The following ZBTB40 variants were observed in gnomAD, a reference collection of about 807,000 sequenced individuals.
The protein encoded by ZBTB40 is zinc finger and BTB domain-containing protein 40.
In ZBTB40, 60 loss-of-function variants were observed where a neutral mutation model predicts 117.5. That is an observed-to-expected ratio of 0.51 (90% CI 0.41 to 0.63). ZBTB40 has a LOEUF of 0.63. ZBTB40 is among the 30% of genes least tolerant of loss of function. ZBTB40 has a pLI of 0.00. For missense variants in ZBTB40, 1,287 were observed against 1,498.5 expected (o/e 0.86, Z 2.33); for synonymous variants, 525 against 577.1 (o/e 0.91, Z 1.29).
At chr1:22,521,698 T>G in intron 15 of ZBTB40, 40 bp downstream of exon 15, 1 of 1,613,870 alleles carries the variant, frequency 6.2e-7, no homozygotes, top group South Asian at 1.1e-5. Context: ...GGGAGGGGCT[T>G]GATGGTGTAG....
At chr1:22,487,238 A>C (rs1423029491) in intron 1 of ZBTB40, among the ~76,000 whole-genome samples, 3 of 152,190 alleles carry the variant, frequency 2.0e-5, no homozygotes, top group South Asian at 2.1e-4. Context: ...GAACTCTGAA[A>C]TATTTTTATT....
Position 22,528,520 on chromosome 1 carries a change from A to T in ZBTB40, c.*2124A>T, listed in dbSNP as rs1288016172. 6.6e-6 allele frequency: 1 copy of T among 152,228 alleles called. No individual in the cohort carries two copies. The highest frequency in any genetic ancestry group is 1.5e-5 in the Non-Finnish European group (1 of 68,024). The allele number at this position is 152,228 out of a possible 1,614,324, so 9.4% of individuals were successfully genotyped here. A position where few individuals can be genotyped will look rare whatever the true frequency, so the allele number is the denominator to read the frequency against. On this transcript the variant is annotated 3_prime_UTR_variant, in exon 18 of 18. Coordinates refer to ENST00000375647, the MANE Select transcript of ZBTB40 (RefSeq NM_014870.4). ...GTGTCAGATCCTTTCAAGCACTGAG[A>T]AATTCTTTCTCAGGTTTCTTTTTTT...
chr1:22,429,207 C>T (rs976751593), intron 1 of ZBTB40, among the ~76,000 whole-genome samples: 86 of 151,956 alleles, frequency 5.7e-4, no homozygotes, highest in Non-Finnish European at 1.1e-3. Context: ...ACGGTGAAAC[C>T]CCGTCTCCAC....
rs769444296 is a variant in ZBTB40 at position 22,502,339 on chromosome 1, A to G, written c.1065A>G (p.Leu355=). The G allele has an allele frequency of 3.1e-6, 5 of 1,613,896 alleles. No individual in the cohort carries two copies. Among genetic ancestry groups the G allele is most frequent in the Non-Finnish European group, 4.2e-6 (5 of 1,179,946 alleles). ...GAAAGACCTTGTCTGTTCTGTTACT[A>G]GAACACAAAGAGGACCTGATACAGT... ...EEGKTLSVLL[L]EHKEDLIQCV... Residue 355 remains leucine, a synonymous_variant, in exon 5 of 18, where the codon CTA becomes CTG. Transcript: ENST00000375647.
At chr1:22,499,145 G>C (rs922856740) in intron 3 of ZBTB40, among the ~76,000 whole-genome samples, 4 of 152,218 alleles carry the variant, frequency 2.6e-5, no homozygotes, top group African/African-American at 9.6e-5. Flanking sequence ...CCACTCTCAT[G>C]GCTATTGGCA....
At chr1:22,468,289 C>T (rs946649373) in intron 1 of ZBTB40, among the ~76,000 whole-genome samples, 22 of 151,986 alleles carry the variant, frequency 1.4e-4, no homozygotes, top group African/African-American at 4.8e-5. Context: ...TCCGAGTCCA[C>T]GGTCTAAAAC....
chr1:22,433,876 T>A (rs997457633), intron 1 of ZBTB40, among the ~76,000 whole-genome samples: 1 of 151,770 alleles, frequency 6.6e-6, no homozygotes, highest in African/African-American at 2.4e-5. Context: ...AAGCTAGTTT[T>A]TTTTTTGTTT....
Position 22,509,111 on chromosome 1 carries a change from G to A in ZBTB40, c.1711G>A (p.Glu571Lys), listed in dbSNP as rs777689163. 8.7e-6 allele frequency: 14 copies of A among 1,613,970 alleles called. No homozygotes were observed. Among genetic ancestry groups the A allele is most frequent in the African/African-American group, 2.7e-5 (2 of 74,902 alleles). Residue 571 changes from glutamate to lysine, a missense_variant, in exon 9 of 18, where the codon GAA (glutamate) becomes AAA (lysine). Glu to Lys is a moderately conservative substitution (Grantham distance 56). Coordinates refer to ENST00000375647, the MANE Select transcript of ZBTB40 (RefSeq NM_014870.4). ...CCCCTTTTTTTCAGTGACCACCCCAGAACATGCCACTTTAGAAACAATCCT... is the reference window on the plus strand; with the variant it reads ...CCCCTTTTTTTCAGTGACCACCCCAAAACATGCCACTTTAGAAACAATCCT... ...DAFFRAVTTPEHATLETILRH... is the reference protein window; with the variant it reads ...DAFFRAVTTPKHATLETILRH...
chr1:22,432,456 A>G (rs1285457597), intron 1 of ZBTB40, among the ~76,000 whole-genome samples: 2 of 152,238 alleles, frequency 1.3e-5, no homozygotes, highest in Non-Finnish European at 2.9e-5. Context: ...TGTGGCGACC[A>G]CTTGCCAAAT....
intron 1 of ZBTB40, among the ~76,000 whole-genome samples, chr1:22,483,671 T>G (rs1245948395): frequency 6.6e-6 from 1 of 152,216 alleles, no homozygotes; most frequent in African/African-American, 2.4e-5. Context: ...TCTTTGTGTA[T>G]TTTGGATAAT....
chr1:22,431,998 T>C (rs1457550276), intron 1 of ZBTB40, among the ~76,000 whole-genome samples: 5 of 151,992 alleles, frequency 3.3e-5, no homozygotes, highest in Non-Finnish European at 7.4e-5. Context: ...AAAAATATAT[T>C]GAAACAACAG....
At chr1:22,473,501 T>A (rs2124407803) in intron 1 of ZBTB40, among the ~76,000 whole-genome samples, 1 of 152,336 alleles carries the variant, frequency 6.6e-6, no homozygotes, top group South Asian at 2.1e-4. Context: ...CATAGTAAGG[T>A]ACTTAAATAT....
rs534947354 is a variant in ZBTB40, at chr1:22,516,226, C to T, written c.2669-1074C>T. On this transcript the variant is annotated intron_variant, in intron 12 of 17. Coordinates refer to ENST00000375647, the MANE Select transcript of ZBTB40 (RefSeq NM_014870.4). The stretch of plus-strand genomic sequence containing the variant: ...AGAGCATTGGAAGCTCTGTTTTGAG[C>T]TCCCAAAACAGATGAGGACTTTGGG... Among the ~76,000 whole-genome samples the T allele has an allele frequency of 1.9e-4, 29 of 152,190 alleles. No homozygotes were observed. The South Asian group carries it at 5.4e-3, about 28-fold the overall frequency.
At chr1:22,517,647 T>A (rs1639409891) in intron 13 of ZBTB40, 183 bp downstream of exon 13, 2 of 722,142 alleles carry the variant, frequency 2.8e-6, no homozygotes, top group Non-Finnish European at 4.4e-6. Context: ...TTTTAAGGTA[T>A]CTCATATAAC....
intron 1 of ZBTB40, among the ~76,000 whole-genome samples, chr1:22,467,541 C>A (rs1433318500): frequency 6.6e-6 from 1 of 152,146 alleles, no homozygotes; most frequent in African/African-American, 2.4e-5. Context: ...GTGGCGCAAT[C>A]TCTGCTCACT....
At position 22,524,443 on chromosome 1, in the gene ZBTB40, A is replaced by C; in HGVS notation, c.3524A>C (p.Gln1175Pro). The stretch of plus-strand genomic sequence containing the variant: ...CAGGCCGCAGCCTCACAGATGGCGC[A>C]GGTGATTCTGGGGCCATCAGCTACA... ...ETQAAASQMA[Q>P]VIQTPEPVAP... Residue 1175 changes from glutamine to proline, a missense_variant and splice_region_variant, in exon 17 of 18, where the codon CAG becomes CCG. Around this residue, in one of 2 missense-constraint regions of ZBTB40, gnomAD observed 417 missense variants for 564.1 expected, o/e 0.74. Transcript: ENST00000375647. The C allele has an allele frequency of 6.2e-7, 1 of 1,613,236 alleles. No homozygotes were observed. Among genetic ancestry groups the C allele is most frequent in the Non-Finnish European group, 8.5e-7 (1 of 1,179,996 alleles).
intron 17 of ZBTB40, 75 bp downstream of exon 17, chr1:22,524,519 A>G (rs1639625190): frequency 4.1e-6 from 6 of 1,474,220 alleles, no homozygotes; most frequent in Non-Finnish European, 4.6e-6. Flanking sequence ...TGGCTCTGTC[A>G]TAGTACCCAG....
chr1:22,502,371 C>A lies in ZBTB40; in HGVS notation c.1097C>A (p.Thr366Lys), dbSNP rs1165085249. The change falls in exon 5 of 18, where the codon ACA (threonine) becomes AAA (lysine). Residue 366 changes from threonine (T) to lysine (K), a missense_variant. Around this residue, in one of 2 missense-constraint regions of ZBTB40, gnomAD observed 870 missense variants for 934.4 expected, o/e 0.93. Transcript: ENST00000375647. ...EHKEDLIQCV[T>K]QLRPIMESLE... is the part of the protein sequence containing the mutation. ...AAAGAGGACCTGATACAGTGTGTAACACAGCTGAGACCTATTATGGAGTCC... is the reference window on the plus strand; with the variant it reads ...AAAGAGGACCTGATACAGTGTGTAAAACAGCTGAGACCTATTATGGAGTCC... 6.2e-7 allele frequency: 1 copy of A among 1,614,078 alleles called. No homozygotes were observed. Among genetic ancestry groups the A allele is most frequent in the Admixed American group, 1.7e-5 (1 of 60,032 alleles).
chr1:22,524,967 G>T (rs1639637283), intron 17 of ZBTB40, among the ~76,000 whole-genome samples: 1 of 152,210 alleles, frequency 6.6e-6, no homozygotes, highest in Admixed American at 6.5e-5. Flanking sequence ...ATCTTCTCCA[G>T]AGAGGGTGGG....
Sources: allele counts gnomAD v4.1 joint callset (sites outside exome capture counted in the v4.1 genomes callset), GRCh38; gene constraint gnomAD v4.1.1; regional missense constraint gnomAD v4.1.1; transcripts MANE v1.5; gene names NCBI Gene and HGNC (gene_info 2026-07-23, HGNC 2026-07-21).